The following LDHAL6A variants were observed in gnomAD, a reference collection of about 807,000 sequenced individuals.
LDHAL6A encodes L-lactate dehydrogenase A-like 6A.
Under a neutral mutation model 28.2 loss-of-function variants are expected in LDHAL6A, and 19 were observed. The observed-to-expected ratio is 0.67, with a 90% CI of 0.47 to 0.99. LDHAL6A has a LOEUF of 0.99. LDHAL6A is among the 50% of genes least tolerant of loss of function. LDHAL6A has a pLI of 0.00. For synonymous variants in LDHAL6A, 144 were observed against 134.4 expected, an observed-to-expected ratio of 1.07 and a Z score of -0.49; for missense variants, 372 against 398.6, an observed-to-expected ratio of 0.93 and a Z score of 0.57.
chr11:18,476,929 C>T (rs1373217162), intron 5 of LDHAL6A, among the ~76,000 whole-genome samples: 1 of 151,394 alleles, frequency 6.6e-6, no homozygotes, highest in African/African-American at 2.4e-5. Context: ...CACTTGAGCC[C>T]AGGAGTATGA....
chr11:18,456,983 T>C (rs536132682), intron 1 of LDHAL6A, among the ~76,000 whole-genome samples, 177 bp downstream of exon 1: 1 of 152,248 alleles, frequency 6.6e-6, no homozygotes, highest in East Asian at 1.9e-4. Context: ...TTTTTAAAAA[T>C]TGTATGATGA....
At position 18,477,708 on chromosome 11, in the gene LDHAL6A, C is replaced by G. The variant is rs138767324; in HGVS notation, c.799C>G (p.Leu267Val). The change falls in exon 6 of 7, where the codon CTT becomes GTT. Residue 267 changes from leucine (L) to valine (V), a missense_variant. By Grantham distance (32) the Leu-to-Val change is conservative (BLOSUM62 1). Coordinates refer to ENST00000280706, the MANE Select transcript of LDHAL6A (RefSeq NM_144972.5). Reference sequence around the variant, plus strand: ...TTTAACAGAAAGTATTTTGAAGAATCTTAGGAGAGTGCATCCAGTTTCTAC... The same window carrying G: ...TTTAACAGAAAGTATTTTGAAGAATGTTAGGAGAGTGCATCCAGTTTCTAC... The part of the protein sequence containing the change: ...ADLTESILKN[L>V]RRVHPVSTLS... 2.6e-4 allele frequency: 416 copies of G among 1,612,442 alleles called. 1 individual carries two copies. In the East Asian group the frequency reaches 8.1e-3, roughly 31 times the overall value.
Position 18,475,448 on chromosome 11 carries a change from T to A in LDHAL6A, c.419-18T>A, listed in dbSNP as rs1368028177. 2.5e-6 allele frequency: 4 copies of A among 1,593,232 alleles called. No homozygotes were observed. Among genetic ancestry groups the A allele is most frequent in the African/African-American group, 1.3e-5 (1 of 74,328 alleles). ...TTGTAGATGAGGACATTTCTTGATA[T>A]GAACTTTTTCTTCTTAGTGGATATC... On this transcript the variant is annotated intron_variant, in intron 3 of 6. Transcript: ENST00000280706.
intron 3 of LDHAL6A, chr11:18,469,308 G>C (rs553540146): frequency 2.1e-6 from 1 of 479,622 alleles, no homozygotes; most frequent in East Asian, 3.4e-5. Context: ...TACCCTCAAA[G>C]TACCGCGTCA....
In LDHAL6A at chr11:18,465,658, C is replaced by A. The variant is rs1849049842; in HGVS notation, c.266C>A (p.Ser89Tyr). ...TCAGATTACCTGGTCACTGCAAACTCCAATCTAGTGATTATCACAGCAGGT... is the reference window on the plus strand; with the variant it reads ...TCAGATTACCTGGTCACTGCAAACTACAATCTAGTGATTATCACAGCAGGT... ...SSKDYLVTANSNLVIITAGAR... is the reference protein window; with the variant it reads ...SSKDYLVTANYNLVIITAGAR... Residue 89 changes from serine to tyrosine, a missense_variant, in exon 3 of 7, where the codon TCC (serine) becomes TAC (tyrosine). This residue lies in a region of LDHAL6A where 291 missense variants were observed against 302.9 expected (regional missense o/e 0.96). Transcript: ENST00000280706. The A allele has an allele frequency of 6.2e-7, 1 of 1,613,736 alleles. No individual in the cohort carries two copies. Among genetic ancestry groups the A allele is most frequent in the African/African-American group, 1.3e-5 (1 of 74,866 alleles).
chr11:18,472,954 T>C (rs1376771205), intron 3 of LDHAL6A, among the ~76,000 whole-genome samples: 2 of 152,210 alleles, frequency 1.3e-5, no homozygotes, highest in Non-Finnish European at 2.9e-5. Context: ...TGGAAATTTA[T>C]GTGAATGGCT....
intron 3 of LDHAL6A, among the ~76,000 whole-genome samples, chr11:18,474,400 C>CT (rs1221419082): frequency 6.9e-6 from 1 of 144,988 alleles, no homozygotes; most frequent in South Asian, 2.2e-4. Flanking sequence ...CTTTTCTTTT[C>CT]TTTTTTTGAG....
At chr11:18,461,332 A>G (rs1234225030) in intron 1 of LDHAL6A, among the ~76,000 whole-genome samples, 2 of 149,524 alleles carry the variant, frequency 1.3e-5, no homozygotes, top group Non-Finnish European at 3.0e-5. Flanking sequence ...TTTAGTAGAG[A>G]CAGGGTTTCA....
Position 18,468,016 on chromosome 11 carries a change from TATATATACGTATATATATATAC to T in LDHAL6A, c.418+2214_418+2235del, listed in dbSNP as rs1565071632. ...GCATATATATACGTATATATATACA[TATATATACGTATATATATATAC>T]ATATATATACGTATATATATATACA... is the stretch of plus-strand genomic sequence containing the variant. On this transcript the variant is annotated intron_variant, in intron 3 of 6. Coordinates refer to ENST00000280706, the MANE Select transcript of LDHAL6A (RefSeq NM_144972.5). 6.4e-4 allele frequency among the ~76,000 whole-genome samples: 42 copies of T among 65,862 alleles called. 4 individuals are homozygous for T. The South Asian group carries it at 0.02, about 31-fold the overall frequency. The allele number at this position is 65,862 out of a possible 152,430, so 43.2% of individuals were successfully genotyped here. A position where few individuals can be genotyped will look rare whatever the true frequency, so the allele number is the denominator to read the frequency against.
intron 1 of LDHAL6A, among the ~76,000 whole-genome samples, chr11:18,462,863 A>G (rs1029006791): frequency 1.3e-5 from 2 of 151,752 alleles, no homozygotes; most frequent in Admixed American, 6.6e-5. Context: ...AAACAAAAAA[A>G]CATACATGGA....
At chr11:18,461,851 C>CA (rs1181963432) in intron 1 of LDHAL6A, among the ~76,000 whole-genome samples, 117 of 98,042 alleles carry the variant, frequency 1.2e-3, no homozygotes, top group East Asian at 1.0e-2. Flanking sequence ...GATTCCGTCT[C>CA]AAAAAAAAGA....
chr11:18,472,298 C>T (rs1489489288), intron 3 of LDHAL6A, among the ~76,000 whole-genome samples: 1 of 152,164 alleles, frequency 6.6e-6, no homozygotes, highest in East Asian at 1.9e-4. Context: ...TACCATACTT[C>T]TCTCCATCTC....
chr11:18,462,784 G>A (rs1848960364), intron 1 of LDHAL6A, among the ~76,000 whole-genome samples: 1 of 151,568 alleles, frequency 6.6e-6, no homozygotes, highest in African/African-American at 2.4e-5. Flanking sequence ...AGTGAGCCGA[G>A]ATTGCACCAC....
Position 18,478,932 on chromosome 11 carries a change from C to CA in LDHAL6A, c.*65dup. ...ATAGTAGTTATGGAATTGTATATGT[C>CA]AAACTTTTGAATAAATTTGAATTTC... is the stretch of plus-strand genomic sequence containing the variant. On this transcript the variant is annotated 3_prime_UTR_variant, in exon 7 of 7. Transcript: ENST00000280706. 1 of 1,339,428 alleles carries CA rather than the reference C, an allele frequency of 7.5e-7. No individual in the cohort carries two copies. The allele number at this position is 1,339,428 out of a possible 1,614,324, so 83.0% of individuals were successfully genotyped here.
intron 3 of LDHAL6A, among the ~76,000 whole-genome samples, chr11:18,471,695 C>CG (rs1310942880): frequency 7.0e-6 from 1 of 143,522 alleles, no homozygotes; most frequent in Admixed American, 7.3e-5. Flanking sequence ...GAGGCTGAGG[C>CG]GGGAGGATTG....
intron 3 of LDHAL6A, among the ~76,000 whole-genome samples, chr11:18,474,901 C>T (rs921807324): frequency 3.3e-5 from 5 of 152,152 alleles, no homozygotes; most frequent in African/African-American, 1.2e-4. Flanking sequence ...TAAAATAACA[C>T]TTGTCATTGA....
intron 1 of LDHAL6A, among the ~76,000 whole-genome samples, chr11:18,460,939 G>T (rs1261590426): frequency 6.6e-6 from 1 of 152,100 alleles, no homozygotes; most frequent in Non-Finnish European, 1.5e-5. Context: ...CCGGGTTCAA[G>T]TGATTCTCCT....
intron 1 of LDHAL6A, among the ~76,000 whole-genome samples, chr11:18,463,469 A>G (rs1848976919): frequency 6.6e-6 from 1 of 152,206 alleles, no homozygotes; most frequent in Admixed American, 6.5e-5. Flanking sequence ...TAAGGTACTC[A>G]GTTTCATGTA....
At chr11:18,464,884 C>T (rs1026109435) in intron 2 of LDHAL6A, among the ~76,000 whole-genome samples, 5 of 151,984 alleles carry the variant, frequency 3.3e-5, no homozygotes, top group Non-Finnish European at 7.4e-5. Flanking sequence ...CACACCACAT[C>T]TATCTCTAAA....
Sources: gnomAD v4.1 joint callset for allele counts (sites outside exome capture counted in the v4.1 genomes callset) on GRCh38, gnomAD v4.1.1 for gene constraint, gnomAD v4.1.1 regional missense constraint, MANE v1.5 for transcripts, NCBI Gene and HGNC (gene_info 2026-07-23, HGNC 2026-07-21) for gene names.